The following TBX15 variants were observed in gnomAD, a reference collection of about 807,000 sequenced individuals.
TBX15 encodes T-box transcription factor TBX15.
TBX15 carries 18 observed loss-of-function variants against 53.9 expected under a neutral mutation model. That is an observed-to-expected ratio of 0.33 (90% CI 0.23 to 0.49). The LOEUF is 0.49. Ranked by LOEUF, TBX15 falls within the 20% of genes least tolerant of loss-of-function variation. The probability of loss-of-function intolerance (pLI) is 0.98; values close to 1 mark genes in which losing one functional copy is unlikely to be tolerated. For synonymous variants in TBX15, 295 were observed against 278.0 expected (o/e 1.06, Z -0.61); for missense variants, 692 against 749.5 (o/e 0.92, Z 0.90).
At chr1:118,950,274 G>A (rs919789751) in intron 1 of TBX15, among the ~76,000 whole-genome samples, 7 of 152,156 alleles carry the variant, frequency 4.6e-5, no homozygotes, top group Non-Finnish European at 7.4e-5. Context: ...CTGCTTTGAG[G>A]CCTCTGGCTT....
chr1:118,973,489 A>G (rs866458038), intron 1 of TBX15, among the ~76,000 whole-genome samples: 42 of 152,184 alleles, frequency 2.8e-4, no homozygotes, highest in Middle Eastern at 3.4e-3. Flanking sequence ...GGCGCTGAAT[A>G]AAAACCTCTC....
At chr1:118,977,591 C>T (rs1042700395) in intron 1 of TBX15, among the ~76,000 whole-genome samples, 6 of 152,240 alleles carry the variant, frequency 3.9e-5, no homozygotes, top group South Asian at 2.1e-4. Flanking sequence ...CATCAGATGA[C>T]GGTGGGGAGC....
intron 1 of TBX15, among the ~76,000 whole-genome samples, chr1:118,983,771 T>A (rs1657723665): frequency 6.6e-6 from 1 of 152,112 alleles, no homozygotes; most frequent in Non-Finnish European, 1.5e-5. Flanking sequence ...CAGCAGACCC[T>A]CCGGCATCTC....
intron 7 of TBX15, among the ~76,000 whole-genome samples, chr1:118,888,465 G>A (rs1301542840): frequency 6.6e-6 from 1 of 152,180 alleles, no homozygotes; most frequent in Non-Finnish European, 1.5e-5. Flanking sequence ...CTATACAGCT[G>A]AATGGCCAGG....
At chr1:118,886,887 G>A (rs557491611) in intron 7 of TBX15, among the ~76,000 whole-genome samples, 2 of 152,280 alleles carry the variant, frequency 1.3e-5, no homozygotes, top group Non-Finnish European at 2.9e-5. Context: ...GTATTTGAAC[G>A]AGTTGATCTT....
chr1:118,888,414 A>G (rs899465345), intron 7 of TBX15, among the ~76,000 whole-genome samples: 3 of 152,214 alleles, frequency 2.0e-5, no homozygotes, highest in African/African-American at 7.2e-5. Flanking sequence ...GCAGGAGAAG[A>G]TTCTAGAAGG....
At position 118,959,209 on chromosome 1, in the gene TBX15, A is replaced by G. The variant is rs142342303; in HGVS notation, c.206-27377T>C. 3.3e-3 allele frequency among the ~76,000 whole-genome samples: 504 copies of G among 152,316 alleles called. 2 individuals are homozygous for G. Among genetic ancestry groups the G allele is most frequent in the Middle Eastern group, 0.014 (4 of 294 alleles). On this transcript the variant is annotated intron_variant, in intron 1 of 7. Coordinates refer to ENST00000369429, the MANE Select transcript of TBX15 (RefSeq NM_001330677.2). ...CCAGGAACTGTGCTAGATACCTCCCACATTACCTCAGTGAATCCTCCCAAC... is the reference window on the plus strand; with the variant it reads ...CCAGGAACTGTGCTAGATACCTCCCGCATTACCTCAGTGAATCCTCCCAAC...
chr1:118,933,248 A>G (rs1655859362), intron 1 of TBX15, among the ~76,000 whole-genome samples: 2 of 152,166 alleles, frequency 1.3e-5, no homozygotes, highest in Admixed American at 6.5e-5. Flanking sequence ...TCAAAGCCAC[A>G]GGGAATAAAG....
rs921582538 is a variant in TBX15 at position 118,884,369 on chromosome 1, T to C, written c.*363A>G. On this transcript the variant is annotated 3_prime_UTR_variant, in exon 8 of 8. Transcript: ENST00000369429. ...GCACGTATGTATAGGTAGGTCTGTC[T>C]GTATGTGGGTGTGTATGTGTAACTT... 3.4e-5 allele frequency: 11 copies of C among 325,994 alleles called. No homozygotes were observed. 20.2% of individuals were successfully genotyped at this position (325,994 alleles called of 1,614,324 possible). A position where few individuals can be genotyped will look rare whatever the true frequency, so the allele number is the denominator to read the frequency against.
intron 1 of TBX15, among the ~76,000 whole-genome samples, chr1:118,980,305 G>C (rs1363626976): frequency 6.6e-6 from 1 of 152,062 alleles, no homozygotes; most frequent in Non-Finnish European, 1.5e-5. Context: ...CGGAAAATCG[G>C]TTCATCCAGT....
At chr1:118,931,551 G>A (rs186827562) in intron 2 of TBX15, 68 bp downstream of exon 2, 2 of 1,537,926 alleles carry the variant, frequency 1.3e-6, no homozygotes, top group East Asian at 2.3e-5. Context: ...AATAAGAATG[G>A]AAGAATGTAA....
At position 118,963,040 on chromosome 1, in the gene TBX15, C is replaced by T. The variant is rs192078110; in HGVS notation, c.205+24551G>A. On this transcript the variant is annotated intron_variant, in intron 1 of 7. Coordinates refer to ENST00000369429, the MANE Select transcript of TBX15 (RefSeq NM_001330677.2). ...CACTTTTGAAAGTTTTTCATTCAGG[C>T]TTATCATTACATTGTCTAGTCTCTG... Among the ~76,000 whole-genome samples the T allele has an allele frequency of 1.9e-4, 29 of 152,274 alleles. No individual in the cohort carries two copies. In the East Asian group the frequency reaches 5.2e-3, roughly 27 times the overall value.
Position 118,980,015 on chromosome 1 carries a change from G to A in TBX15, c.205+7576C>T, listed in dbSNP as rs1057125293. Among the ~76,000 whole-genome samples the A allele has an allele frequency of 2.0e-5, 3 of 152,326 alleles. No individual in the cohort carries two copies. In the East Asian group the frequency reaches 5.8e-4, roughly 29 times the overall value. ...GCCGAGGGCGGGCAGACGCGGCCAC[G>A]GCCTAATTCTGACTTCTGAAGGTCA... On this transcript the variant is annotated intron_variant, in intron 1 of 7. Coordinates refer to ENST00000369429, the MANE Select transcript of TBX15 (RefSeq NM_001330677.2).
intron 6 of TBX15, among the ~76,000 whole-genome samples, chr1:118,905,824 T>C (rs1654799022): frequency 6.6e-6 from 1 of 152,202 alleles, no homozygotes; most frequent in South Asian, 2.1e-4. Context: ...GTCATGCTGG[T>C]TGAATTAAAG....
At chr1:118,970,641 A>G (rs1029377385) in intron 1 of TBX15, among the ~76,000 whole-genome samples, 3 of 152,222 alleles carry the variant, frequency 2.0e-5, no homozygotes, top group East Asian at 1.9e-4. Context: ...AGGATTTTAC[A>G]TGTAATTTGA....
At chr1:118,906,686 A>G (rs1654841542) in intron 6 of TBX15, among the ~76,000 whole-genome samples, 1 of 152,172 alleles carries the variant, frequency 6.6e-6, no homozygotes, top group African/African-American at 2.4e-5. Context: ...AACCTCATTA[A>G]ACATTCTCTT....
chr1:118,987,392 T>C (rs1657873243), intron 1 of TBX15, among the ~76,000 whole-genome samples, 199 bp downstream of exon 1: 2 of 152,204 alleles, frequency 1.3e-5, no homozygotes. Flanking sequence ...GCGACGAAAA[T>C]GCAAGGCTCA....
At chr1:118,934,692 A>G (rs1265128593) in intron 1 of TBX15, among the ~76,000 whole-genome samples, 1 of 152,190 alleles carries the variant, frequency 6.6e-6, no homozygotes, top group Admixed American at 6.5e-5. Context: ...ACAGTTTTCC[A>G]CACCATTACA....
intron 5 of TBX15, among the ~76,000 whole-genome samples, chr1:118,922,492 T>C (rs1655456051): frequency 6.6e-6 from 1 of 152,188 alleles, no homozygotes; most frequent in Non-Finnish European, 1.5e-5. Flanking sequence ...TTAGTCCTCA[T>C]AGCTCTACGA....
Sources: gnomAD v4.1 joint callset for allele counts (sites outside exome capture counted in the v4.1 genomes callset) on GRCh38, gnomAD v4.1.1 for gene constraint, MANE v1.5 for transcripts, NCBI Gene and HGNC (gene_info 2026-07-23, HGNC 2026-07-21) for gene names.